Variants in BDKRB2 observed in about 807,000 individuals in gnomAD.
BDKRB2 encodes the protein bradykinin receptor B2.
In BDKRB2, 6 loss-of-function variants were observed where a neutral mutation model predicts 4.0. That is an observed-to-expected ratio of 1.49 (90% confidence interval 0.81 to 2.93). The LOEUF (loss-of-function observed/expected upper bound fraction) is 2.93, where lower values mean the gene tolerates loss of function less well. Ranked by LOEUF, BDKRB2 falls within the 30% of genes most tolerant of loss-of-function variation. The pLI is 0.00. For synonymous variants in BDKRB2, 225 were observed against 215.3 expected (o/e 1.05, Z -0.40); for missense variants, 478 against 520.1 (o/e 0.92, Z 0.79).
intron 1 of BDKRB2, among the ~76,000 whole-genome samples, chr14:96,207,099 C>A (rs1274428532): frequency 6.6e-6 from 1 of 152,126 alleles, no homozygotes; most frequent in African/African-American, 2.4e-5. Flanking sequence ...TAAGTCTCAA[C>A]AGGTGAATTT....
At chr14:96,226,291 C>T (rs1890695777) in intron 1 of BDKRB2, among the ~76,000 whole-genome samples, 1 of 152,176 alleles carries the variant, frequency 6.6e-6, no homozygotes, top group Non-Finnish European at 1.5e-5. Flanking sequence ...TTGGTTTTGA[C>T]AATCAGACAA....
rs556874434 is a variant in BDKRB2, at chr14:96,220,351, C to T, written c.-40+15392C>T. ...AGGCATGAGTTTGTCCCTCAAGCAG[C>T]TCAGGAGGAGCTGGAGGAGGTTTCC... On this transcript the variant is annotated intron_variant, in intron 1 of 2. Coordinates refer to ENST00000554311, the MANE Select transcript of BDKRB2 (RefSeq NM_001379692.1). Among the ~76,000 whole-genome samples the T allele has an allele frequency of 1.6e-4, 25 of 152,216 alleles. 1 individual carries two copies. In the South Asian group the frequency reaches 5.2e-3, roughly 32 times the overall value.
intron 1 of BDKRB2, among the ~76,000 whole-genome samples, chr14:96,234,663 C>CT (rs1890891694): frequency 6.6e-6 from 1 of 152,224 alleles, no homozygotes; most frequent in Non-Finnish European, 1.5e-5. Context: ...GCCCTCTGGA[C>CT]TTCGGGAGAA....
At chr14:96,226,917 A>G (rs528912969) in intron 1 of BDKRB2, among the ~76,000 whole-genome samples, 421 of 152,332 alleles carry the variant, frequency 2.8e-3, no homozygotes, top group Non-Finnish European at 4.9e-3. Flanking sequence ...TAATAACCCT[A>G]TGCTCAAGTC....
At position 96,241,340 on chromosome 14, in the gene BDKRB2, C is replaced by G. The variant is rs200627214; in HGVS notation, c.1012C>G (p.Arg338Gly). The change falls in exon 3 of 3, where the codon CGC (arginine) becomes GGC (glycine). Residue 338 changes from arginine to glycine, a missense_variant. Arg to Gly is a moderately radical substitution (Grantham distance 125). Transcript: ENST00000554311. ...NPLVYVIVGKRFRKKSWEVYQ... is the reference protein window; with the variant it reads ...NPLVYVIVGKGFRKKSWEVYQ... ...ACTGGTGTACGTGATCGTGGGCAAG[C>G]GCTTCCGAAAGAAGTCTTGGGAGGT... 6.2e-7 allele frequency: 1 copy of G among 1,613,770 alleles called. No homozygotes were observed. The highest frequency in any genetic ancestry group is 8.5e-7 in the Non-Finnish European group (1 of 1,179,892).
intron 1 of BDKRB2, among the ~76,000 whole-genome samples, chr14:96,219,388 C>T (rs1389093776): frequency 6.6e-6 from 1 of 151,970 alleles, no homozygotes; most frequent in South Asian, 2.1e-4. Flanking sequence ...CTCTGACTTG[C>T]CCAGGGCTGC....
In BDKRB2 at chr14:96,234,564, C is replaced by A. The variant is rs188877172; in HGVS notation, c.-39-2505C>A. 5.3e-5 allele frequency among the ~76,000 whole-genome samples: 8 copies of A among 152,350 alleles called. No homozygotes were observed. In the East Asian group the frequency reaches 1.5e-3, roughly 29 times the overall value. On this transcript the variant is annotated intron_variant, in intron 1 of 2. Transcript: ENST00000554311. The stretch of plus-strand genomic sequence containing the variant: ...GACACAGCAGCTCCCTGACAGGGAT[C>A]CTCACCCAGGGCACGCCTCTAGAGC...
chr14:96,220,971 A>G (rs938258461), intron 1 of BDKRB2, among the ~76,000 whole-genome samples: 4 of 152,030 alleles, frequency 2.6e-5, no homozygotes, highest in African/African-American at 9.7e-5. Flanking sequence ...GGCAGGCACC[A>G]TCTGTCCTTC....
chr14:96,237,660 G>C, intron 2 of BDKRB2: 1 of 1,282,818 alleles, frequency 7.8e-7, no homozygotes, highest in Non-Finnish European at 1.0e-6. Flanking sequence ...CTTGGGGACA[G>C]CATTTGCAAG....
chr14:96,234,578 C>T (rs372352245), intron 1 of BDKRB2, among the ~76,000 whole-genome samples: 36 of 152,310 alleles, frequency 2.4e-4, no homozygotes, highest in African/African-American at 6.5e-4. Context: ...ACCCAGGGCA[C>T]GCCTCTAGAG....
rs371075760 is a variant in BDKRB2 at position 96,241,327 on chromosome 14, G to A, written c.999G>A (p.Val333=). Residue 333 remains valine, a synonymous_variant, in exon 3 of 3, where the codon GTG becomes GTA. Transcript: ENST00000554311. ...SNSCLNPLVY[V]IVGKRFRKKS... is the part of the protein sequence containing the mutation. ...GCTGCCTCAACCCACTGGTGTACGT[G>A]ATCGTGGGCAAGCGCTTCCGAAAGA... 2 of 1,613,906 alleles carry A rather than the reference G, an allele frequency of 1.2e-6. No homozygotes were observed. The highest frequency in any genetic ancestry group is 1.7e-6 in the Non-Finnish European group (2 of 1,179,952).
Position 96,242,517 on chromosome 14 carries a change from C to A in BDKRB2, c.*1013C>A, listed in dbSNP as rs1885321284. 6.6e-6 allele frequency: 1 copy of A among 152,266 alleles called. No homozygotes were observed. Among genetic ancestry groups the A allele is most frequent in the African/African-American group, 2.4e-5 (1 of 41,470 alleles). The allele number at this position is 152,266 out of a possible 1,614,324, so 9.4% of individuals were successfully genotyped here. ...GAGGTCTAGAAATAGCTCCGTGGAG[C>A]AGAATCAGTATTGGGAGCCGGTGGC... On this transcript the variant is annotated 3_prime_UTR_variant, in exon 3 of 3. Transcript: ENST00000554311.
At chr14:96,212,631 C>T (rs901695201) in intron 1 of BDKRB2, among the ~76,000 whole-genome samples, 18 of 151,994 alleles carry the variant, frequency 1.2e-4, no homozygotes, top group African/African-American at 2.9e-4. Flanking sequence ...CAGTGGGTGG[C>T]GGCTCACTTG....
In BDKRB2 at chr14:96,231,922, C is replaced by T. The variant is rs144616116; in HGVS notation, c.-39-5147C>T. Among the ~76,000 whole-genome samples the T allele has an allele frequency of 3.9e-3, 594 of 152,294 alleles. 2 individuals are homozygous for T. The highest frequency in any genetic ancestry group is 0.01 in the Middle Eastern group (3 of 294). ...TGCAGAGGGAGAGGGAGAACAGCCGCCCTCTGACTAAGGATGGAGCCCAGC... is the reference window on the plus strand; with the variant it reads ...TGCAGAGGGAGAGGGAGAACAGCCGTCCTCTGACTAAGGATGGAGCCCAGC... On this transcript the variant is annotated intron_variant, in intron 1 of 2. Transcript: ENST00000554311.
chr14:96,237,226 C>G (rs192821315), intron 2 of BDKRB2, 45 bp downstream of exon 2: 5 of 1,538,464 alleles, frequency 3.2e-6, no homozygotes. Flanking sequence ...GGGAGGTGGG[C>G]AGACACCCTG....
chr14:96,216,531 G>A (rs1890419928), intron 1 of BDKRB2, among the ~76,000 whole-genome samples: 1 of 150,106 alleles, frequency 6.7e-6, no homozygotes, highest in Non-Finnish European at 1.5e-5. Flanking sequence ...GATGAGGTGG[G>A]AGGATCGCTT....
chr14:96,236,429 G>GC (rs1459245461), intron 1 of BDKRB2, among the ~76,000 whole-genome samples: 2 of 151,918 alleles, frequency 1.3e-5, no homozygotes, highest in Non-Finnish European at 2.9e-5. Context: ...CTCTAAATCA[G>GC]CCCCCCATCT....
chr14:96,217,727 T>C (rs972008555), intron 1 of BDKRB2, among the ~76,000 whole-genome samples: 3 of 151,428 alleles, frequency 2.0e-5, no homozygotes, highest in African/African-American at 7.2e-5. Flanking sequence ...AGAGCACCTG[T>C]CTTGGGAGCC....
At chr14:96,237,953 C>T (rs1890976328) in intron 2 of BDKRB2, 1 of 1,206,246 alleles carries the variant, frequency 8.3e-7, no homozygotes, top group Non-Finnish European at 1.1e-6. Context: ...ATGACAGACT[C>T]TCCAAGCCAG....
Sources: allele counts gnomAD v4.1 joint callset (sites outside exome capture counted in the v4.1 genomes callset), GRCh38; gene constraint gnomAD v4.1.1; transcripts MANE v1.5; gene names NCBI Gene and HGNC (gene_info 2026-07-23, HGNC 2026-07-21).